Variants in PTPN13 observed in about 807,000 individuals in gnomAD.
The protein encoded by PTPN13 is protein tyrosine phosphatase non-receptor type 13.
A neutral mutation model predicts 284.0 loss-of-function variants in PTPN13; 191 were observed. The observed-to-expected ratio is 0.67, with a 90% CI of 0.60 to 0.76. The LOEUF (loss-of-function observed/expected upper bound fraction) is 0.76. Among genes scored for constraint, PTPN13 ranks in the 30% least tolerant of loss-of-function variants. PTPN13 has a pLI of 0.00. For synonymous variants in PTPN13, 986 were observed against 1,022.3 expected (o/e 0.96, Z 0.68); for missense variants, 2,797 against 2,939.9 (o/e 0.95, Z 1.12).
chr4:86,641,905 CTTACAATTTT>C (rs1723835649), intron 2 of PTPN13, among the ~76,000 whole-genome samples: 1 of 152,142 alleles, frequency 6.6e-6, no homozygotes, highest in Non-Finnish European at 1.5e-5. Context: ...AATGTTTGTG[CTTACAATTTT>C]TTTAAACTTT....
rs533069260 is a variant in PTPN13, at chr4:86,778,808, C to T, written c.5892-1594C>T. On this transcript the variant is annotated intron_variant, in intron 35 of 47. Coordinates refer to ENST00000411767, the MANE Select transcript of PTPN13 (RefSeq NM_080683.3). ...TTACAGATTTTTTTAACGAGAAAAA[C>T]ACACAAAAAAAGCTACCTCAGGTGT... is the stretch of plus-strand genomic sequence containing the variant. Among the ~76,000 whole-genome samples, 5 of 151,808 alleles carry T rather than the reference C, an allele frequency of 3.3e-5. No homozygotes were observed. In the South Asian group the frequency reaches 8.3e-4, roughly 25 times the overall value.
chr4:86,770,705 T>C (rs963938822), intron 30 of PTPN13, among the ~76,000 whole-genome samples: 7 of 152,288 alleles, frequency 4.6e-5, no homozygotes, highest in Admixed American at 3.9e-4. Flanking sequence ...AAATGGCCTA[T>C]ATTCTGACAG....
intron 5 of PTPN13, chr4:86,690,451 CTA>C (rs1729902763): frequency 6.6e-6 from 1 of 151,964 alleles, no homozygotes; most frequent in South Asian, 2.1e-4. Flanking sequence ...ATATACTAGA[CTA>C]TATTACTAAC....
chr4:86,711,549 CT>C (rs1023406365), intron 7 of PTPN13, among the ~76,000 whole-genome samples: 9 of 152,178 alleles, frequency 5.9e-5, no homozygotes, highest in African/African-American at 2.2e-4. Flanking sequence ...ATTTCTAACA[CT>C]GTGATTTTTT....
At chr4:86,777,362 C>G (rs1188054239) in intron 35 of PTPN13, among the ~76,000 whole-genome samples, 1 of 152,158 alleles carries the variant, frequency 6.6e-6, no homozygotes, top group Non-Finnish European at 1.5e-5. Context: ...CCCTCTGCTT[C>G]TGTTGCCACG....
chr4:86,609,841 G>A (rs900583304), intron 1 of PTPN13, among the ~76,000 whole-genome samples: 20 of 152,120 alleles, frequency 1.3e-4, no homozygotes, highest in African/African-American at 4.8e-4. Context: ...GGGTACAACC[G>A]AAGTTGTACT....
intron 3 of PTPN13, among the ~76,000 whole-genome samples, chr4:86,682,540 G>A (rs898907279): frequency 1.3e-5 from 2 of 150,546 alleles, no homozygotes; most frequent in East Asian, 1.9e-4. Context: ...TTCTCATTAC[G>A]TAAAACACAA....
chr4:86,675,485 C>G (rs1047098410), intron 3 of PTPN13, among the ~76,000 whole-genome samples: 1 of 152,126 alleles, frequency 6.6e-6, no homozygotes, highest in African/African-American at 2.4e-5. Context: ...TTAACTAGCA[C>G]TCAATAAATG....
intron 2 of PTPN13, among the ~76,000 whole-genome samples, chr4:86,664,733 G>T (rs1645758236): frequency 6.6e-6 from 1 of 152,122 alleles, no homozygotes; most frequent in Admixed American, 6.6e-5. Context: ...AGGTGGAAGT[G>T]AAAGGCAAAT....
chr4:86,672,846 G>T (rs570415004), intron 3 of PTPN13, among the ~76,000 whole-genome samples: 1 of 152,328 alleles, frequency 6.6e-6, no homozygotes, highest in South Asian at 2.1e-4. Context: ...AGTTGACCCT[G>T]ATTAACATGT....
intron 1 of PTPN13, among the ~76,000 whole-genome samples, chr4:86,626,120 C>G (rs941867191): frequency 6.6e-6 from 1 of 152,084 alleles, no homozygotes; most frequent in Admixed American, 6.6e-5. Flanking sequence ...GATTTCCCCC[C>G]TGGTTTTACT....
chr4:86,810,695 T>A (rs1346816748), intron 46 of PTPN13, among the ~76,000 whole-genome samples: 2 of 152,242 alleles, frequency 1.3e-5, no homozygotes, highest in African/African-American at 4.8e-5. Context: ...AGATCTTTTT[T>A]AGGTTGGAAA....
intron 2 of PTPN13, among the ~76,000 whole-genome samples, chr4:86,639,053 G>A (rs895330097): frequency 0.012 from 1,811 of 152,238 alleles, 14 homozygotes; most frequent in Non-Finnish European, 0.018. Flanking sequence ...AGACATTTAC[G>A]CAGCCAAAAG....
chr4:86,765,831 T>C (rs1356500240), intron 26 of PTPN13, among the ~76,000 whole-genome samples: 1 of 151,728 alleles, frequency 6.6e-6, no homozygotes, highest in Non-Finnish European at 1.5e-5. Flanking sequence ...TTTTTTGTTG[T>C]TGTTTTTTTT....
Position 86,814,538 on chromosome 4 carries a change from A to G in PTPN13, c.7445A>G (p.Gln2482Arg). ...GAAGAAGAGCAAAAACAGCAGCCTC[A>G]GCTTCTGAAGTGACATGAAAAGAGC... ...QAEEEQKQQP[Q>R]LLK The change falls in exon 48 of 48, where the codon CAG becomes CGG. Residue 2482 changes from glutamine to arginine, a missense_variant. Gln to Arg is a conservative substitution (Grantham distance 43, BLOSUM62 1). Transcript: ENST00000411767. 6.2e-7 allele frequency: 1 copy of G among 1,610,914 alleles called. No individual in the cohort carries two copies. Among genetic ancestry groups the G allele is most frequent in the Non-Finnish European group, 8.5e-7 (1 of 1,177,400 alleles).
intron 1 of PTPN13, among the ~76,000 whole-genome samples, chr4:86,632,760 AC>A: frequency 6.6e-6 from 1 of 150,710 alleles, no homozygotes; most frequent in East Asian, 2.0e-4. Flanking sequence ...AATTTTTTAA[AC>A]AGCTTTTCGA....
In PTPN13 at chr4:86,637,631, C is replaced by G. The variant is rs1252915520; in HGVS notation, c.115+2260C>G. On this transcript the variant is annotated intron_variant, in intron 2 of 47. Coordinates refer to ENST00000411767, the MANE Select transcript of PTPN13 (RefSeq NM_080683.3). Reference sequence around the variant, plus strand: ...AAGGCCTTTGACAAAATTCAACAACCCTTCATGCTAAAAACTCTCAATAAA... The same window carrying G: ...AAGGCCTTTGACAAAATTCAACAACGCTTCATGCTAAAAACTCTCAATAAA... 1.2e-4 allele frequency among the ~76,000 whole-genome samples: 18 copies of G among 145,320 alleles called. No homozygotes were observed. The South Asian group carries it at 2.9e-3, about 23-fold the overall frequency.
intron 1 of PTPN13, among the ~76,000 whole-genome samples, chr4:86,609,149 C>G (rs1180485779): frequency 6.6e-6 from 1 of 152,124 alleles, no homozygotes; most frequent in African/African-American, 2.4e-5. Flanking sequence ...ACTATTAATC[C>G]TTTCCCTCAA....
Position 86,698,825 on chromosome 4 carries a change from G to T in PTPN13, c.635-2416G>T, listed in dbSNP as rs150720857. 5.3e-5 allele frequency among the ~76,000 whole-genome samples: 8 copies of T among 152,216 alleles called. No individual in the cohort carries two copies. In the East Asian group the frequency reaches 1.5e-3, roughly 29 times the overall value. ...CAATAATGAATGGGAAGTAAGAAATGGGAGATAGCAGTAGCTAGGGGGAAA... is the reference window on the plus strand; with the variant it reads ...CAATAATGAATGGGAAGTAAGAAATTGGAGATAGCAGTAGCTAGGGGGAAA... On this transcript the variant is annotated intron_variant, in intron 6 of 47. Coordinates refer to ENST00000411767, the MANE Select transcript of PTPN13 (RefSeq NM_080683.3).
Sources: gnomAD v4.1 joint callset for allele counts (sites outside exome capture counted in the v4.1 genomes callset) on GRCh38, gnomAD v4.1.1 for gene constraint, MANE v1.5 for transcripts, NCBI Gene and HGNC (gene_info 2026-07-23, HGNC 2026-07-21) for gene names.